Variants in WDR59 observed in about 807,000 individuals in gnomAD.
The protein encoded by WDR59 is WD repeat domain 59.
A neutral mutation model predicts 131.2 loss-of-function variants in WDR59; 100 were observed. The ratio of observed to expected loss-of-function variants is 0.76; its 90% CI spans 0.65 to 0.90. The LOEUF (loss-of-function observed/expected upper bound fraction) is 0.90, where lower values mean the gene tolerates loss of function less well. Among genes scored for constraint, WDR59 ranks in the 40% least tolerant of loss-of-function variants. The pLI, the probability that WDR59 is intolerant of heterozygous loss-of-function variation, is 0.00. For synonymous variants in WDR59, 601 were observed against 466.2 expected, an observed-to-expected ratio of 1.29 and a Z score of -3.72; for missense variants, 1,203 against 1,262.2, an observed-to-expected ratio of 0.95 and a Z score of 0.71.
At position 74,890,864 on chromosome 16, in the gene WDR59, T is replaced by C. The variant is rs554196303; in HGVS notation, c.2083-1049A>G. ...GGCCCTGTGGCTCACGCCTGTAATC[T>C]CAGCACTTTGGGAGGCTGAGGTGGG... is the stretch of plus-strand genomic sequence containing the variant. On this transcript the variant is annotated intron_variant, in intron 20 of 25. Coordinates refer to ENST00000262144, the MANE Select transcript of WDR59 (RefSeq NM_030581.4). Among the ~76,000 whole-genome samples, 163 of 151,738 alleles carry C rather than the reference T, an allele frequency of 1.1e-3. 3 individuals carry two copies. The South Asian group carries it at 0.032, about 30-fold the overall frequency.
At chr16:74,893,897 T>G (rs1459642917) in intron 18 of WDR59, 85 bp from the exon 19 acceptor site, 5 of 1,475,008 alleles carry the variant, frequency 3.4e-6, no homozygotes, top group Non-Finnish European at 4.6e-6. Context: ...TTGGGGTCAT[T>G]GGCAATTTGC....
chr16:74,980,064 T>C (rs1306022928), intron 1 of WDR59, among the ~76,000 whole-genome samples: 2 of 151,762 alleles, frequency 1.3e-5, no homozygotes, highest in Admixed American at 1.3e-4. Context: ...TTTCACCATG[T>C]TAGCCAGGCT....
chr16:74,979,070 C>T (rs1159873293), intron 1 of WDR59: 3 of 152,120 alleles, frequency 2.0e-5, no homozygotes, highest in African/African-American at 4.8e-5. Flanking sequence ...CTGTACTTTC[C>T]AATATCATAG....
intron 2 of WDR59, among the ~76,000 whole-genome samples, chr16:74,959,997 A>G (rs8049011): frequency 0.014 from 2,124 of 152,236 alleles, 46 homozygotes; most frequent in African/African-American, 0.047. Context: ...AAATTAAAAT[A>G]GTTGAAATTT....
At chr16:74,960,814 C>A (rs1433498892) in intron 2 of WDR59, among the ~76,000 whole-genome samples, 1 of 147,220 alleles carries the variant, frequency 6.8e-6, no homozygotes, top group Non-Finnish European at 1.5e-5. Context: ...AGAAAATGAT[C>A]AAAGACATAA....
At chr16:74,949,666 A>T (rs1293082164) in intron 5 of WDR59, 52 bp downstream of exon 5, 57 of 1,544,892 alleles carry the variant, frequency 3.7e-5, no homozygotes, top group Non-Finnish European at 4.8e-5. Flanking sequence ...CTCTAAAACA[A>T]AGGTCCCAAA....
At chr16:74,961,882 G>A (rs147919193) in intron 2 of WDR59, among the ~76,000 whole-genome samples, 6,586 of 152,136 alleles carry the variant, frequency 0.043, 212 homozygotes, top group Middle Eastern at 0.12. Flanking sequence ...TGTCCTGAAT[G>A]GTACTGCCTA....
rs76566122 is a variant in WDR59 at position 74,878,732 on chromosome 16, G to A, written c.2690-4288C>T. Among the ~76,000 whole-genome samples the A allele has an allele frequency of 4.5e-3, 687 of 152,248 alleles. 5 individuals are homozygous for A. Among genetic ancestry groups the A allele is most frequent in the African/African-American group, 0.016 (645 of 41,522 alleles). On this transcript the variant is annotated intron_variant, in intron 25 of 25. Coordinates refer to ENST00000262144, the MANE Select transcript of WDR59 (RefSeq NM_030581.4). ...GGCAATAACCTTACAAACATTTTAC[G>A]GGATGAATTAAAAGAGCCTGGAGAT...
chr16:74,978,097 T>A (rs1183289393), intron 1 of WDR59, among the ~76,000 whole-genome samples: 1 of 152,050 alleles, frequency 6.6e-6, no homozygotes, highest in Non-Finnish European at 1.5e-5. Context: ...GGCTCACGCC[T>A]GTAATCCCAG....
rs541671083 is a variant in WDR59 at position 74,949,807 on chromosome 16, C to G, written c.327-9G>C. 2 of 1,613,342 alleles carry G rather than the reference C, an allele frequency of 1.2e-6. No homozygotes were observed. Among genetic ancestry groups the G allele is most frequent in the Non-Finnish European group, 1.7e-6 (2 of 1,179,650 alleles). Reference sequence around the variant, plus strand: ...CCGCCCAGTCCAAGTCGCTGGGACACAAAGAATAAACAGAACAAAGAAAAG... The same window carrying G: ...CCGCCCAGTCCAAGTCGCTGGGACAGAAAGAATAAACAGAACAAAGAAAAG... On this transcript the variant is annotated splice_polypyrimidine_tract_variant and intron_variant, in intron 4 of 25. Coordinates refer to ENST00000262144, the MANE Select transcript of WDR59 (RefSeq NM_030581.4).
Position 74,917,976 on chromosome 16 carries a change from G to T in WDR59, c.919C>A (p.Arg307=), listed in dbSNP as rs184616843. 1.3e-4 allele frequency: 215 copies of T among 1,613,930 alleles called. 2 individuals are homozygous for T. The East Asian group carries it at 4.5e-3, about 34-fold the overall frequency. ...CGCCACATTCTCAAGGTCTGATCCCGGGACCACGTCACCAGTTGATAGTCC... is the reference window on the plus strand; with the variant it reads ...CGCCACATTCTCAAGGTCTGATCCCTGGACCACGTCACCAGTTGATAGTCC... The part of the protein sequence containing the change: ...SKDYQLVTWS[R]DQTLRMWRVD... The change falls in exon 11 of 26, where the codon CGG becomes AGG. Residue 307 remains arginine, a synonymous_variant. Coordinates refer to ENST00000262144, the MANE Select transcript of WDR59 (RefSeq NM_030581.4).
chr16:74,944,983 G>A (rs912276618), intron 6 of WDR59, among the ~76,000 whole-genome samples: 1 of 152,124 alleles, frequency 6.6e-6, no homozygotes, highest in East Asian at 1.9e-4. Context: ...AATTAGCTGG[G>A]TGTGGTGGCC....
intron 8 of WDR59, among the ~76,000 whole-genome samples, chr16:74,932,013 C>A (rs1041842092): frequency 1.3e-5 from 2 of 151,332 alleles, no homozygotes; most frequent in African/African-American, 4.8e-5. Flanking sequence ...ATCTTTAAGA[C>A]CTTGAACTAA....
At chr16:74,877,827 G>A (rs1418215272) in intron 25 of WDR59, among the ~76,000 whole-genome samples, 2 of 152,194 alleles carry the variant, frequency 1.3e-5, no homozygotes, top group African/African-American at 4.8e-5. Context: ...TTACAGGCGT[G>A]AGCCACCGCG....
intron 1 of WDR59, among the ~76,000 whole-genome samples, chr16:74,976,001 A>G (rs1431397651): frequency 6.6e-6 from 1 of 152,146 alleles, no homozygotes; most frequent in Non-Finnish European, 1.5e-5. Flanking sequence ...TAAAATACAC[A>G]TATATAAATT....
At chr16:74,897,444 G>A (rs1028357705) in intron 18 of WDR59, among the ~76,000 whole-genome samples, 1 of 152,184 alleles carries the variant, frequency 6.6e-6, no homozygotes, top group Non-Finnish European at 1.5e-5. Flanking sequence ...ACAAACCTAC[G>A]TGACCCATCC....
chr16:74,948,073 A>G (rs919123493), intron 6 of WDR59, among the ~76,000 whole-genome samples: 5 of 152,198 alleles, frequency 3.3e-5, no homozygotes, highest in Non-Finnish European at 5.9e-5. Flanking sequence ...TCTGTCTCAG[A>G]AAAGAAAAAA....
intron 8 of WDR59, among the ~76,000 whole-genome samples, chr16:74,924,345 A>T (rs2030563718): frequency 6.6e-6 from 1 of 152,226 alleles, no homozygotes; most frequent in South Asian, 2.1e-4. Flanking sequence ...TAATTTAAGA[A>T]CAAGAGCTGA....
In WDR59 at chr16:74,948,524, G is replaced by A; in HGVS notation, c.440C>T (p.Ala147Val). The A allele has an allele frequency of 1.2e-6, 2 of 1,613,790 alleles. No homozygotes were observed. The highest frequency in any genetic ancestry group is 1.7e-6 in the Non-Finnish European group (2 of 1,179,722). ...DTRKPTVALS[A>V]VAGASQVKWN... ...TGGGAGAAGCATACACTCACCAACAGCAGACAGTGCAACAGTAGGTTTCCT... is the reference window on the plus strand; with the variant it reads ...TGGGAGAAGCATACACTCACCAACAACAGACAGTGCAACAGTAGGTTTCCT... The change falls in exon 6 of 26, where the codon GCT (alanine) becomes GTT (valine). Residue 147 changes from alanine to valine, a missense_variant. Physicochemically the swap from Ala to Val is moderately conservative, Grantham distance 64. Coordinates refer to ENST00000262144, the MANE Select transcript of WDR59 (RefSeq NM_030581.4).
Sources: allele counts gnomAD v4.1 joint callset (sites outside exome capture counted in the v4.1 genomes callset), GRCh38; gene constraint gnomAD v4.1.1; transcripts MANE v1.5; gene names NCBI Gene and HGNC (gene_info 2026-07-23, HGNC 2026-07-21).